The following NCK1 variants were observed in gnomAD, a reference collection of about 807,000 sequenced individuals.
NCK1 encodes NCK adaptor protein 1.
In NCK1, 19 loss-of-function variants were observed where a neutral mutation model predicts 36.6. The ratio of observed to expected loss-of-function variants is 0.52; its 90% CI spans 0.36 to 0.76. NCK1 has a LOEUF of 0.76. Ranked by LOEUF, NCK1 falls within the 30% of genes least tolerant of loss-of-function variation. The pLI is 0.00. For synonymous variants in NCK1, 165 were observed against 156.0 expected, an observed-to-expected ratio of 1.06 and a Z score of -0.43; for missense variants, 358 against 445.6, an observed-to-expected ratio of 0.80 and a Z score of 1.77.
intron 2 of NCK1, among the ~76,000 whole-genome samples, chr3:136,933,527 A>G (rs1445369145): frequency 6.6e-6 from 1 of 152,092 alleles, no homozygotes; most frequent in Non-Finnish European, 1.5e-5. Context: ...AGTAAAGACC[A>G]GTGGGTGGTA....
chr3:136,901,672 C>T (rs1939545260), intron 1 of NCK1, among the ~76,000 whole-genome samples: 1 of 152,002 alleles, frequency 6.6e-6, no homozygotes, highest in Non-Finnish European at 1.5e-5. Context: ...GTTAGTGTAT[C>T]GTTGTTTGTA....
At chr3:136,899,223 T>C in intron 1 of NCK1, 1 of 256,860 alleles carries the variant, frequency 3.9e-6, no homozygotes, top group South Asian at 5.2e-5. Context: ...TTTAGGTCTC[T>C]TGCTTTCAGC....
At chr3:136,889,539 C>T (rs1184002972) in intron 1 of NCK1, among the ~76,000 whole-genome samples, 5 of 152,128 alleles carry the variant, frequency 3.3e-5, no homozygotes, top group Non-Finnish European at 5.9e-5. Context: ...GGAAGGGGAC[C>T]CGAGCGGGTT....
At chr3:136,944,308 G>A (rs112071500) in intron 2 of NCK1, among the ~76,000 whole-genome samples, 7 of 151,706 alleles carry the variant, frequency 4.6e-5, no homozygotes, top group African/African-American at 1.2e-4. Flanking sequence ...TAGTAGAGAC[G>A]GGGTTTCACC....
intron 2 of NCK1, among the ~76,000 whole-genome samples, chr3:136,934,003 C>T (rs761072186): frequency 2.0e-4 from 31 of 151,928 alleles, no homozygotes; most frequent in South Asian, 1.3e-3. Flanking sequence ...CCACCTTGCC[C>T]GGCCAAGTTT....
At chr3:136,907,554 T>A (rs928875271) in intron 1 of NCK1, among the ~76,000 whole-genome samples, 1 of 152,164 alleles carries the variant, frequency 6.6e-6, no homozygotes, top group Non-Finnish European at 1.5e-5. Flanking sequence ...TGGAGGTCTC[T>A]CAGCTCTCCG....
At chr3:136,899,757 CTT>C in intron 1 of NCK1, 1 of 1,221,840 alleles carries the variant, frequency 8.2e-7, no homozygotes, top group Non-Finnish European at 1.2e-6. Flanking sequence ...TTTTTCAACT[CTT>C]TTATCTTGAG....
chr3:136,916,142 CCA>C (rs1198736561), intron 1 of NCK1, among the ~76,000 whole-genome samples: 2 of 152,110 alleles, frequency 1.3e-5, no homozygotes, highest in Non-Finnish European at 2.9e-5. Flanking sequence ...GCAGTCACCT[CCA>C]GTCACCTGGA....
rs1383355970 is a variant in NCK1 at position 136,867,112 on chromosome 3, CTTTCTTTG to C, written c.-19+4767_-19+4774del. 7.7e-3 allele frequency among the ~76,000 whole-genome samples: 232 copies of C among 29,948 alleles called. 22 individuals are homozygous for C. Among genetic ancestry groups the C allele is most frequent in the East Asian group, 0.023 (19 of 842 alleles). The allele number at this position is 29,948 out of a possible 152,430, so 19.6% of individuals were successfully genotyped here. On this transcript the variant is annotated intron_variant, in intron 1 of 3. Transcript: ENST00000481752. ...TCTTTCTTTCTTTCTTTCTTTCTTT[CTTTCTTTG>C]TTTCTTTCTTTCCTTCCTTCCTTCC...
chr3:136,884,450 C>CT (rs1346379136), intron 1 of NCK1, among the ~76,000 whole-genome samples: 38 of 151,136 alleles, frequency 2.5e-4, no homozygotes, highest in Admixed American at 5.9e-4. Flanking sequence ...CTTGTCTTTT[C>CT]TTTTTTTTTG....
intron 1 of NCK1, among the ~76,000 whole-genome samples, chr3:136,897,817 A>C (rs780235746): frequency 6.6e-6 from 1 of 152,192 alleles, no homozygotes; most frequent in Non-Finnish European, 1.5e-5. Context: ...TGATTTGAAA[A>C]TTTTTTATAA....
rs1560055771 is a variant in NCK1 at position 136,944,111 on chromosome 3, C to CTTT, written c.227-1472_227-1471insTTT. ...AAAGTCGAGGGAAAAGGAAAAACAA[C>CTTT]CTTTTTTTTTTTTTTTTTTTTTTTT... On this transcript the variant is annotated intron_variant, in intron 2 of 3. Transcript: ENST00000481752. Among the ~76,000 whole-genome samples, 30 of 80,920 alleles carry CTTT rather than the reference C, an allele frequency of 3.7e-4. 2 individuals carry two copies. Among genetic ancestry groups the CTTT allele is most frequent in the African/African-American group, 1.7e-3 (29 of 17,452 alleles). The allele number at this position is 80,920 out of a possible 152,430, so 53.1% of individuals were successfully genotyped here.
intron 1 of NCK1, among the ~76,000 whole-genome samples, chr3:136,926,433 CCTGT>C (rs1940240813): frequency 1.3e-5 from 2 of 151,942 alleles, no homozygotes; most frequent in African/African-American, 4.8e-5. Flanking sequence ...CGCCACCACG[CCTGT>C]CTAATTTTTT....
chr3:136,947,402 T>C (rs1940858417), intron 3 of NCK1, among the ~76,000 whole-genome samples: 1 of 152,190 alleles, frequency 6.6e-6, no homozygotes, highest in South Asian at 2.1e-4. Flanking sequence ...GGTAATTGAG[T>C]GTAGATATTA....
rs957714035 is a variant in NCK1 at position 136,950,974 on chromosome 3, A to G, written c.*2521A>G. The stretch of plus-strand genomic sequence containing the variant: ...AAAACCTTAGGATTCAGCTGAATAT[A>G]TATTCACACATGTATATTACACATA... On this transcript the variant is annotated 3_prime_UTR_variant, in exon 4 of 4. Coordinates refer to ENST00000481752, the MANE Select transcript of NCK1 (RefSeq NM_001291999.2). Among the ~76,000 whole-genome samples, 4 of 152,168 alleles carry G rather than the reference A, an allele frequency of 2.6e-5. No individual in the cohort carries two copies. The highest frequency in any genetic ancestry group is 7.2e-5 in the African/African-American group (3 of 41,454).
At chr3:136,880,110 C>T (rs1167841024) in intron 1 of NCK1, among the ~76,000 whole-genome samples, 3 of 151,700 alleles carry the variant, frequency 2.0e-5, no homozygotes, top group Admixed American at 1.3e-4. Context: ...CGGTGAAACC[C>T]CGACTCTACT....
intron 1 of NCK1, among the ~76,000 whole-genome samples, chr3:136,892,192 TTTGTTGTTG>T (rs570938002): frequency 4.6e-5 from 7 of 152,014 alleles, no homozygotes; most frequent in African/African-American, 1.7e-4. Context: ...CCAGCTGGAT[TTTGTTGTTG>T]TTGTTGTTGT....
At chr3:136,930,536 AC>A in intron 2 of NCK1, 1 of 1,450,044 alleles carries the variant, frequency 6.9e-7, no homozygotes, top group African/African-American at 1.4e-5. Context: ...TAACAAACTG[AC>A]AGAACACAGA....
chr3:136,946,335 G>A, intron 3 of NCK1, 40 bp downstream of exon 3: 1 of 1,496,450 alleles, frequency 6.7e-7, no homozygotes, highest in Non-Finnish European at 9.1e-7. Context: ...TAGAGCTCTG[G>A]GTATTTTAAA....
Sources: gnomAD v4.1 joint callset for allele counts (sites outside exome capture counted in the v4.1 genomes callset) on GRCh38, gnomAD v4.1.1 for gene constraint, MANE v1.5 for transcripts, NCBI Gene and HGNC (gene_info 2026-07-23, HGNC 2026-07-21) for gene names.